Variants in SAMD5 observed in about 807,000 individuals in gnomAD.
SAMD5 encodes sterile alpha motif domain-containing protein 5.
Under a neutral mutation model 11.3 loss-of-function variants are expected in SAMD5, and 13 were observed. The observed-to-expected ratio is 1.15, with a 90% CI of 0.75 to 1.83. The LOEUF is 1.83. SAMD5 is among the 40% of genes most tolerant of loss of function. The probability of loss-of-function intolerance (pLI) is 0.00; values close to 1 mark genes in which losing one functional copy is unlikely to be tolerated. For missense variants in SAMD5, 255 were observed against 239.1 expected, an observed-to-expected ratio of 1.07 and a Z score of -0.44; for synonymous variants, 129 against 111.3, an observed-to-expected ratio of 1.16 and a Z score of -1.00.
intron 1 of SAMD5, among the ~76,000 whole-genome samples, chr6:147,603,907 T>C (rs1193455372): frequency 2.0e-5 from 3 of 152,220 alleles, no homozygotes; most frequent in Non-Finnish European, 4.4e-5. Context: ...TTAGTCTCTG[T>C]ATGCTTCTAG....
At chr6:147,864,427 C>A in the SAMD5 span, among the ~76,000 whole-genome samples, 2 of 152,156 alleles carry the variant, frequency 1.3e-5, no homozygotes, top group African/African-American at 4.8e-5. Flanking sequence ...GGTAAACCGA[C>A]CATCTTGTGC....
At chr6:147,758,065 T>C in the SAMD5 span, among the ~76,000 whole-genome samples, 4 of 152,120 alleles carry the variant, frequency 2.6e-5, no homozygotes, top group Admixed American at 6.5e-5. Flanking sequence ...TGTGCCTACT[T>C]TGAGAAACCT....
chr6:147,616,218 T>C (rs1336482197), intron 1 of SAMD5, among the ~76,000 whole-genome samples: 1 of 136,018 alleles, frequency 7.4e-6, no homozygotes, highest in Non-Finnish European at 1.5e-5. Context: ...ATATACTTCA[T>C]ATATATTTAT....
the SAMD5 span, among the ~76,000 whole-genome samples, chr6:147,817,968 A>G: frequency 6.6e-6 from 1 of 152,250 alleles, no homozygotes; most frequent in East Asian, 1.9e-4. Flanking sequence ...AAAAGAAGAC[A>G]CATTTCAGCG....
chr6:147,709,172 C>T (rs1791363754), intron 1 of SAMD5, among the ~76,000 whole-genome samples: 1 of 151,976 alleles, frequency 6.6e-6, no homozygotes, highest in South Asian at 2.1e-4. Context: ...CTATTTTGTA[C>T]CTTTGAAGAA....
chr6:147,946,496 C>A, the SAMD5 span, among the ~76,000 whole-genome samples: 1 of 152,156 alleles, frequency 6.6e-6, no homozygotes, highest in African/African-American at 2.4e-5. Context: ...GTTTCCTAGT[C>A]ACTTCCAGCT....
the SAMD5 span, among the ~76,000 whole-genome samples, chr6:147,828,776 T>C: frequency 2.6e-5 from 4 of 152,198 alleles, no homozygotes; most frequent in Non-Finnish European, 5.9e-5. Context: ...TGGAGAACAC[T>C]GACTAATGCA....
chr6:147,940,321 G>A, the SAMD5 span, among the ~76,000 whole-genome samples: 36 of 151,744 alleles, frequency 2.4e-4, no homozygotes, highest in Admixed American at 1.8e-3. Flanking sequence ...ACATAATGTA[G>A]TTTAGGGGGT....
chr6:147,760,949 A>G, the SAMD5 span, among the ~76,000 whole-genome samples: 1 of 152,244 alleles, frequency 6.6e-6, no homozygotes, highest in Admixed American at 6.5e-5. Flanking sequence ...TCGAATTCAA[A>G]TAAAGCACAA....
chr6:147,654,753 C>T (rs1282442536), intron 1 of SAMD5, among the ~76,000 whole-genome samples: 1 of 147,898 alleles, frequency 6.8e-6, no homozygotes, highest in Admixed American at 7.0e-5. Context: ...TGATTTTATG[C>T]CTGGATGGTT....
chr6:147,571,292 AT>A (rs1355846893), downstream of SAMD5, among the ~76,000 whole-genome samples: 7 of 152,326 alleles, frequency 4.6e-5, no homozygotes, highest in African/African-American at 1.7e-4. Flanking sequence ...TTGTTAAAGA[AT>A]AGGATGGTTT....
At chr6:147,832,030 T>C in the SAMD5 span, among the ~76,000 whole-genome samples, 1 of 152,300 alleles carries the variant, frequency 6.6e-6, no homozygotes, top group South Asian at 2.1e-4. Context: ...ATCAGTAGGC[T>C]AATATTAAAA....
intron 1 of SAMD5, among the ~76,000 whole-genome samples, chr6:147,613,289 G>T (rs764942597): frequency 1.3e-5 from 2 of 151,896 alleles, no homozygotes; most frequent in Non-Finnish European, 2.9e-5. Context: ...ATGGGTTTTT[G>T]TCCTGTGAAT....
chr6:147,810,276 G>T, the SAMD5 span, among the ~76,000 whole-genome samples: 1 of 151,996 alleles, frequency 6.6e-6, no homozygotes, highest in South Asian at 2.1e-4. Context: ...TTTCCTCATG[G>T]CATAGTGTTC....
the SAMD5 span, among the ~76,000 whole-genome samples, chr6:147,799,702 A>G: frequency 6.6e-6 from 1 of 150,872 alleles, no homozygotes; most frequent in Non-Finnish European, 1.5e-5. Flanking sequence ...ACTTTCAGGT[A>G]CACCAGTCAG....
chr6:147,617,794 G>A (rs1050438329), intron 1 of SAMD5, among the ~76,000 whole-genome samples: 1 of 152,210 alleles, frequency 6.6e-6, no homozygotes, highest in Non-Finnish European at 1.5e-5. Flanking sequence ...ATCCAAGTCT[G>A]TCTGTGACTG....
At chr6:147,782,237 G>A in the SAMD5 span, among the ~76,000 whole-genome samples, 91 of 152,160 alleles carry the variant, frequency 6.0e-4, no homozygotes, top group African/African-American at 2.0e-3. Flanking sequence ...GTTGAAAAAG[G>A]TTCATTTAAA....
chr6:147,537,755 CAAAA>C (rs34367490), intron 1 of SAMD5, among the ~76,000 whole-genome samples: 2 of 139,978 alleles, frequency 1.4e-5, no homozygotes, highest in African/African-American at 5.2e-5. Context: ...GACTCCGTCT[CAAAA>C]AAAAAAAAAA....
the SAMD5 span, among the ~76,000 whole-genome samples, chr6:147,757,971 A>C: frequency 6.6e-6 from 1 of 152,112 alleles, no homozygotes. Flanking sequence ...ATCATATGTA[A>C]ATTACTGGTT....
Sources: allele counts gnomAD v4.1 joint callset (sites outside exome capture counted in the v4.1 genomes callset), GRCh38; gene constraint gnomAD v4.1.1; transcripts MANE v1.5; gene names NCBI Gene and HGNC (gene_info 2026-07-23, HGNC 2026-07-21).